Variants in RGS10 observed in about 807,000 individuals in gnomAD.
The protein encoded by RGS10 is regulator of G protein signaling 10.
In RGS10, 11 loss-of-function variants were observed where a neutral mutation model predicts 23.5. The ratio of observed to expected loss-of-function variants is 0.47; its 90% CI spans 0.29 to 0.77. The LOEUF is 0.77. Ranked by LOEUF, RGS10 falls within the 30% of genes least tolerant of loss-of-function variation. The pLI is 0.08. For missense variants in RGS10, 180 were observed against 226.3 expected, an observed-to-expected ratio of 0.80 and a Z score of 1.31; for synonymous variants, 77 against 83.2, an observed-to-expected ratio of 0.92 and a Z score of 0.41.
At chr10:119,505,156 T>C (rs1355953327) in intron 4 of RGS10, among the ~76,000 whole-genome samples, 1 of 151,760 alleles carries the variant, frequency 6.6e-6, no homozygotes, top group Non-Finnish European at 1.5e-5. Flanking sequence ...TCAGACTCCT[T>C]AAGGGTCCAC....
At chr10:119,505,481 C>T (rs1377868646) in intron 4 of RGS10, among the ~76,000 whole-genome samples, 2 of 152,000 alleles carry the variant, frequency 1.3e-5, no homozygotes, top group African/African-American at 2.4e-5. Context: ...AAGTGAGACT[C>T]GGACAAAAAT....
intron 3 of RGS10, among the ~76,000 whole-genome samples, chr10:119,519,037 AAG>A (rs1844178880): frequency 6.6e-6 from 1 of 152,078 alleles, no homozygotes. Flanking sequence ...CTTAAAAGAA[AAG>A]CATGCACCCC....
At chr10:119,540,143 T>TA (rs1305445901) in intron 1 of RGS10, among the ~76,000 whole-genome samples, 1 of 49,540 alleles carries the variant, frequency 2.0e-5, no homozygotes, top group African/African-American at 3.6e-5. Context: ...ACCCTACACC[T>TA]ACAATTCCAA....
intron 4 of RGS10, among the ~76,000 whole-genome samples, chr10:119,503,271 T>C (rs1589831954): frequency 6.6e-6 from 1 of 151,220 alleles, no homozygotes; most frequent in Non-Finnish European, 1.5e-5. Context: ...CCCGCGGAGG[T>C]TGAGGCTGCA....
chr10:119,526,060 T>A lies in RGS10; in HGVS notation c.227A>T (p.Asp76Val). The change falls in exon 3 of 5, where the codon GAT becomes GTT. Residue 76 changes from aspartate to valine, a missense_variant. By Grantham distance (152) the Asp-to-Val change is radical. Transcript: ENST00000369103. ...CGTCTTATCTTGCATTTTCTTAAAA[T>A]CTTCACATGCTAGCCAAAACAAAAC... ...ENVLFWLACE[D>V]FKKMQDKTQM... 6.3e-7 allele frequency: 1 copy of A among 1,578,280 alleles called. No homozygotes were observed. The highest frequency in any genetic ancestry group is 8.6e-7 in the Non-Finnish European group (1 of 1,162,690).
At chr10:119,515,738 A>C (rs1844135083) in intron 3 of RGS10, 86 bp from the exon 4 acceptor site, 1 of 1,534,422 alleles carries the variant, frequency 6.5e-7, no homozygotes, top group African/African-American at 1.4e-5. Flanking sequence ...CCAGGCCCAC[A>C]GGAGCTGCTG....
In RGS10 at chr10:119,524,432, T is replaced by G. The variant is rs1447622144; in HGVS notation, c.255+1600A>C. Among the ~76,000 whole-genome samples the G allele has an allele frequency of 6.6e-6, 1 of 152,128 alleles. No homozygotes were observed. The highest frequency in any genetic ancestry group is 1.5e-5 in the Non-Finnish European group (1 of 68,006). On this transcript the variant is annotated intron_variant, in intron 3 of 4. Coordinates refer to ENST00000369103, the MANE Select transcript of RGS10 (RefSeq NM_001005339.2). The surrounding 1 kb of genome is among the most constrained non-coding windows in gnomAD (Gnocchi z 5.2). ...CCCACCCACAGGCCCCTCCTACCTC[T>G]AACACTCAAAAGAATAAGGCAGGGG...
At chr10:119,500,819 G>C (rs541189783) in intron 4 of RGS10, among the ~76,000 whole-genome samples, 1 of 151,938 alleles carries the variant, frequency 6.6e-6, no homozygotes, top group Admixed American at 6.6e-5. Context: ...CAAGGGAACA[G>C]GTCCCAAATA....
At chr10:119,529,395 A>T (rs1261067199) in intron 1 of RGS10, among the ~76,000 whole-genome samples, 1 of 152,172 alleles carries the variant, frequency 6.6e-6, no homozygotes, top group Non-Finnish European at 1.5e-5. Flanking sequence ...CGGAGGTTGC[A>T]GTGAGCCAAG....
intron 4 of RGS10, among the ~76,000 whole-genome samples, chr10:119,501,269 T>G (rs1843950106): frequency 6.6e-6 from 1 of 152,032 alleles, no homozygotes; most frequent in Non-Finnish European, 1.5e-5. Context: ...CAACTAAAAA[T>G]CCACATGGTT....
At chr10:119,520,458 A>G (rs1328929385) in intron 3 of RGS10, among the ~76,000 whole-genome samples, 1 of 152,166 alleles carries the variant, frequency 6.6e-6, no homozygotes, top group Admixed American at 6.5e-5. Flanking sequence ...CCTCCACCCC[A>G]GGTCCTGCTC....
intron 4 of RGS10, among the ~76,000 whole-genome samples, chr10:119,507,996 T>C (rs1454090150): frequency 6.6e-6 from 1 of 152,016 alleles, no homozygotes; most frequent in East Asian, 1.9e-4. Flanking sequence ...CAAACTCTGC[T>C]TGTGTATTTA....
intron 4 of RGS10, among the ~76,000 whole-genome samples, chr10:119,506,641 G>A (rs1440486371): frequency 6.6e-6 from 1 of 152,174 alleles, no homozygotes. Flanking sequence ...TTTTGCCATC[G>A]GAAGGGGAGT....
intron 4 of RGS10, among the ~76,000 whole-genome samples, chr10:119,507,577 G>A (rs563395125): frequency 4.1e-4 from 52 of 127,824 alleles, no homozygotes; most frequent in South Asian, 2.8e-3. Context: ...TCTCACCCAA[G>A]GCTTTTTTTT....
chr10:119,534,673 G>A (rs1246964602), intron 1 of RGS10, among the ~76,000 whole-genome samples: 3 of 149,374 alleles, frequency 2.0e-5, no homozygotes, highest in Admixed American at 6.7e-5. Context: ...GGCAGATCAC[G>A]AGGTCAAGAG....
chr10:119,510,986 G>A (rs1230600852), intron 4 of RGS10, among the ~76,000 whole-genome samples: 2 of 152,116 alleles, frequency 1.3e-5, no homozygotes, highest in East Asian at 1.9e-4. Context: ...CCAAAGTGCT[G>A]GGATTACAGG....
rs571434154 is a variant in RGS10, at chr10:119,524,116, C to T, written c.255+1916G>A. ...CCCCGTTGCCCACGCCTTGCTCCCA[C>T]GACACATGTGCTTCCCATCTCTACA... On this transcript the variant is annotated intron_variant, in intron 3 of 4. Coordinates refer to ENST00000369103, the MANE Select transcript of RGS10 (RefSeq NM_001005339.2). The surrounding 1 kb of genome is among the most constrained non-coding windows in gnomAD (Gnocchi z 5.2). Among the ~76,000 whole-genome samples the T allele has an allele frequency of 1.3e-4, 20 of 152,210 alleles. No homozygotes were observed. The South Asian group carries it at 2.3e-3, about 17-fold the overall frequency.
intron 4 of RGS10, 118 bp from the exon 5 acceptor site, chr10:119,500,377 C>T: frequency 6.5e-6 from 6 of 925,546 alleles, no homozygotes; most frequent in Middle Eastern, 3.5e-4. Context: ...GTGCAAAGAA[C>T]ACACTAAGAA....
At chr10:119,537,350 C>G (rs1419959427) in intron 1 of RGS10, among the ~76,000 whole-genome samples, 1 of 142,958 alleles carries the variant, frequency 7.0e-6, no homozygotes, top group Non-Finnish European at 1.5e-5. Context: ...CCATTGCACT[C>G]CAGCGTGGGC....
Sources: gnomAD v4.1 joint callset for allele counts (sites outside exome capture counted in the v4.1 genomes callset) on GRCh38, gnomAD v4.1.1 for gene constraint, Gnocchi (gnomAD v3.1) non-coding constraint, MANE v1.5 for transcripts, NCBI Gene and HGNC (gene_info 2026-07-23, HGNC 2026-07-21) for gene names.